NAALADL2: variants seen among roughly 807,000 people sequenced by gnomAD.
NAALADL2 encodes N-acetylated alpha-linked acidic dipeptidase like 2.
NAALADL2 carries 76 observed loss-of-function variants against 87.2 expected under a neutral mutation model. The ratio of observed to expected loss-of-function variants is 0.87; its 90% CI spans 0.72 to 1.05. NAALADL2 has a LOEUF of 1.05. Ranked by LOEUF, NAALADL2 falls within the 50% of genes least tolerant of loss-of-function variation. NAALADL2 has a pLI of 0.00. For missense variants in NAALADL2, 1,089 were observed against 945.8 expected (o/e 1.15, Z -1.99); for synonymous variants, 354 against 331.0 (o/e 1.07, Z -0.75).
chr3:175,530,139 A>G (rs917348304), intron 9 of NAALADL2, among the ~76,000 whole-genome samples: 1 of 152,142 alleles, frequency 6.6e-6, no homozygotes, highest in Admixed American at 6.5e-5. Flanking sequence ...GGGCGATGAC[A>G]GGGGTGGCTG....
At chr3:175,182,688 C>G (rs970414218) in intron 2 of NAALADL2, among the ~76,000 whole-genome samples, 1 of 149,852 alleles carries the variant, frequency 6.7e-6, no homozygotes, top group African/African-American at 2.4e-5. Context: ...TAAGCCAATG[C>G]ACCTGCCAAA....
At chr3:175,316,639 C>T (rs542418337) in intron 4 of NAALADL2, among the ~76,000 whole-genome samples, 2 of 152,246 alleles carry the variant, frequency 1.3e-5, no homozygotes, top group South Asian at 2.1e-4. Context: ...GACAATCTGC[C>T]ACCAGCTGAA....
chr3:175,680,836 C>T (rs1037638114), intron 11 of NAALADL2, among the ~76,000 whole-genome samples: 1 of 152,142 alleles, frequency 6.6e-6, no homozygotes, highest in African/African-American at 2.4e-5. Flanking sequence ...CCTTTAAGGC[C>T]GGGCACAGTA....
At chr3:174,955,263 A>T (rs1740985176) in intron 1 of NAALADL2, among the ~76,000 whole-genome samples, 2 of 152,088 alleles carry the variant, frequency 1.3e-5, no homozygotes, top group African/African-American at 4.8e-5. Flanking sequence ...ATATCAGGAG[A>T]TTCTACCAAT....
intron 1 of NAALADL2, among the ~76,000 whole-genome samples, chr3:175,018,982 A>G (rs1751214822): frequency 6.6e-6 from 1 of 152,048 alleles, no homozygotes; most frequent in Admixed American, 6.6e-5. Flanking sequence ...ATCTTCTTGA[A>G]AGAAACCACC....
intron 1 of NAALADL2, among the ~76,000 whole-genome samples, chr3:174,490,344 G>T (rs1244296552): frequency 6.6e-6 from 1 of 152,078 alleles, no homozygotes; most frequent in African/African-American, 2.4e-5. Context: ...AAAATGTCCA[G>T]AATTGGTAAA....
At chr3:175,130,451 T>A (rs1379718277) in intron 2 of NAALADL2, among the ~76,000 whole-genome samples, 1 of 152,182 alleles carries the variant, frequency 6.6e-6, no homozygotes, top group Non-Finnish European at 1.5e-5. Flanking sequence ...TCCCTATGTT[T>A]TCTTCTAGGA....
chr3:175,550,689 T>G (rs1714190960), intron 9 of NAALADL2, among the ~76,000 whole-genome samples: 1 of 152,178 alleles, frequency 6.6e-6, no homozygotes. Flanking sequence ...CAATAACATA[T>G]TTGAAATAAA....
intron 13 of NAALADL2, among the ~76,000 whole-genome samples, chr3:175,760,763 G>T (rs925251604): frequency 1.3e-5 from 2 of 152,160 alleles, no homozygotes; most frequent in Admixed American, 6.5e-5. Flanking sequence ...TTTGCCATTA[G>T]ATCCTTTTTT....
intron 10 of NAALADL2, among the ~76,000 whole-genome samples, chr3:175,611,621 G>A (rs1477314269): frequency 1.3e-5 from 2 of 151,968 alleles, no homozygotes; most frequent in Admixed American, 1.3e-4. Flanking sequence ...CATTAAATTA[G>A]GACTGGAGAA....
At chr3:175,196,204 G>C (rs1014134625) in intron 2 of NAALADL2, among the ~76,000 whole-genome samples, 7 of 151,728 alleles carry the variant, frequency 4.6e-5, no homozygotes, top group Admixed American at 4.6e-4. Flanking sequence ...TCAAGCTTTG[G>C]GGGTTAGAAA....
intron 2 of NAALADL2, among the ~76,000 whole-genome samples, chr3:174,717,787 C>T (rs1731332410): frequency 6.6e-6 from 1 of 151,874 alleles, no homozygotes; most frequent in African/African-American, 2.4e-5. Context: ...CTCCTGAGTC[C>T]ATTGATATAT....
At chr3:174,638,771 A>G (rs184480995) in intron 2 of NAALADL2, among the ~76,000 whole-genome samples, 6 of 152,342 alleles carry the variant, frequency 3.9e-5, no homozygotes, top group African/African-American at 1.4e-4. Context: ...GAATTTTCCA[A>G]TAAATACTTA....
chr3:175,462,007 G>A (rs773050864), intron 6 of NAALADL2, among the ~76,000 whole-genome samples: 15 of 152,114 alleles, frequency 9.9e-5, no homozygotes, highest in Admixed American at 2.0e-4. Context: ...AAGCTATCCC[G>A]TATGATACTA....
chr3:175,013,114 A>ATG (rs1412957338), intron 1 of NAALADL2, among the ~76,000 whole-genome samples: 1 of 8,136 alleles, frequency 1.2e-4, no homozygotes, highest in African/African-American at 6.6e-4. Flanking sequence ...ATATTTATAT[A>ATG]TAAATATACA....
At chr3:174,525,551 C>CA (rs1404701804) in intron 1 of NAALADL2, among the ~76,000 whole-genome samples, 2 of 152,172 alleles carry the variant, frequency 1.3e-5, no homozygotes, top group Non-Finnish European at 2.9e-5. Context: ...ATGATCCAGT[C>CA]ACCCCCCAAC....
Position 174,928,066 on chromosome 3 carries a change from T to G in NAALADL2, c.43+68616T>G, listed in dbSNP as rs181469534. Among the ~76,000 whole-genome samples, 7 of 152,216 alleles carry G rather than the reference T, an allele frequency of 4.6e-5. No homozygotes were observed. The East Asian group carries it at 1.3e-3, about 29-fold the overall frequency. On this transcript the variant is annotated intron_variant, in intron 1 of 13. Coordinates refer to ENST00000454872, the MANE Select transcript of NAALADL2 (RefSeq NM_207015.3). ...ATTTATAGGAAAAAGTGAATGTAAA[T>G]GCAAATAAAGAGAAAAAAGTCAGGA...
chr3:175,243,530 A>ATTTTT (rs1747357423), intron 3 of NAALADL2, among the ~76,000 whole-genome samples: 2 of 70,574 alleles, frequency 2.8e-5, no homozygotes, highest in Admixed American at 1.6e-4. Flanking sequence ...ACACATCAGG[A>ATTTTT]CTTTTTTTTT....
intron 1 of NAALADL2, among the ~76,000 whole-genome samples, chr3:174,530,600 G>A (rs1427333753): frequency 6.6e-6 from 1 of 152,196 alleles, no homozygotes; most frequent in Non-Finnish European, 1.5e-5. Flanking sequence ...CACCTGGCTG[G>A]GGAGGCCTCA....
Sources: gnomAD v4.1 joint callset for allele counts (sites outside exome capture counted in the v4.1 genomes callset) on GRCh38, gnomAD v4.1.1 for gene constraint, MANE v1.5 for transcripts, NCBI Gene and HGNC (gene_info 2026-07-23, HGNC 2026-07-21) for gene names.